Variants in ZNF396 observed in about 807,000 individuals in gnomAD.
ZNF396 encodes zinc finger protein 396.
ZNF396 carries 14 observed loss-of-function variants against 20.5 expected under a neutral mutation model. That is an observed-to-expected ratio of 0.68 (90% CI 0.45 to 1.07). ZNF396 has a LOEUF of 1.07. Among genes scored for constraint, ZNF396 ranks in the 50% least tolerant of loss-of-function variants. The pLI, the probability that ZNF396 is intolerant of heterozygous loss-of-function variation, is 0.00. For synonymous variants in ZNF396, 119 were observed against 140.6 expected, an observed-to-expected ratio of 0.85 and a Z score of 1.08; for missense variants, 347 against 390.1, an observed-to-expected ratio of 0.89 and a Z score of 0.93.
Position 35,369,560 on chromosome 18 carries a change from A to C in ZNF396, c.663T>G (p.Asn221Lys), listed in dbSNP as rs1258696060. ...CTCTATATGTGGAACTCTGGGAGCC[A>C]TTCATATGAAGGATATTGGAAACAT... is the stretch of plus-strand genomic sequence containing the variant. Reference protein sequence around the residue: ...HCNVSNILHMNGSQSSTYRGT... With the variant: ...HCNVSNILHMKGSQSSTYRGT... Residue 221 changes from asparagine (N) to lysine (K), a missense_variant, in exon 4 of 4, where the codon AAT (asparagine) becomes AAG (lysine). By Grantham distance (94) the Asn-to-Lys change is moderately conservative (BLOSUM62 0). Coordinates refer to ENST00000589332, the MANE Select transcript of ZNF396 (RefSeq NM_001322286.2). The C allele has an allele frequency of 6.2e-7, 1 of 1,614,020 alleles. No homozygotes were observed. The highest frequency in any genetic ancestry group is 2.2e-5 in the East Asian group (1 of 44,898).
chr18:35,376,960 C>T (rs1378926940), intron 1 of ZNF396, among the ~76,000 whole-genome samples: 2 of 152,010 alleles, frequency 1.3e-5, no homozygotes, highest in African/African-American at 4.8e-5. Flanking sequence ...CCCGACCTCC[C>T]GCGCCCACCG....
In ZNF396 at chr18:35,369,440, A is replaced by G; in HGVS notation, c.783T>C (p.Ser261=). The change falls in exon 4 of 4, where the codon AGT becomes AGC. Residue 261 remains serine (S), a synonymous_variant. Coordinates refer to ENST00000589332, the MANE Select transcript of ZNF396 (RefSeq NM_001322286.2). ...GATGTAAAATAAGGGCTGAGCTCTGACTAAAGATTTTGCCACATTCATCAC... is the reference window on the plus strand; with the variant it reads ...GATGTAAAATAAGGGCTGAGCTCTGGCTAAAGATTTTGCCACATTCATCAC... ...QKCDECGKIF[S]QSSALILHQR... 1 of 1,614,258 alleles carries G rather than the reference A, an allele frequency of 6.2e-7. No homozygotes were observed. Among genetic ancestry groups the G allele is most frequent in the Non-Finnish European group, 8.5e-7 (1 of 1,180,040 alleles).
chr18:35,370,670 G>T (rs985368224), intron 3 of ZNF396, among the ~76,000 whole-genome samples: 6 of 150,868 alleles, frequency 4.0e-5, no homozygotes, highest in African/African-American at 9.8e-5. Context: ...CCGCCACTAC[G>T]CCCGGCTAAT....
At chr18:35,377,064 G>C (rs1267002110) in intron 1 of ZNF396, among the ~76,000 whole-genome samples, 1 of 152,150 alleles carries the variant, frequency 6.6e-6, no homozygotes, top group Non-Finnish European at 1.5e-5. Flanking sequence ...GGGGTCCGCC[G>C]GGGAAGGACG....
In ZNF396 at chr18:35,369,591, T is replaced by A. The variant is rs9963473; in HGVS notation, c.632A>T (p.His211Leu). The change falls in exon 4 of 4, where the codon CAT becomes CTT. Residue 211 changes from histidine to leucine, a missense_variant. His to Leu is a moderately conservative substitution (Grantham distance 99). Coordinates refer to ENST00000589332, the MANE Select transcript of ZNF396 (RefSeq NM_001322286.2). ...ATGAAGGATATTGGAAACATTGCAA[T>A]GCAGTTCTATGCCTAAAGAAGTCTT... The part of the protein sequence containing the change: ...RQKTSLGIEL[H>L]CNVSNILHMN... The A allele has an allele frequency of 8.0e-3, 12,882 of 1,614,000 alleles. 871 individuals are homozygous for A. In the African/African-American group the frequency reaches 0.15, roughly 19 times the overall value.
rs748987673 is a variant in ZNF396 at position 35,373,983 on chromosome 18, G to A, written c.310C>T (p.Leu104Phe). The A allele has an allele frequency of 1.9e-6, 3 of 1,614,248 alleles. No homozygotes were observed. Among genetic ancestry groups the A allele is most frequent in the South Asian group, 2.2e-5 (2 of 91,090 alleles). Reference sequence around the variant, plus strand: ...ACCCAGGCCTGAAGCTCTTTTGGGAGGATGGCCAGGAACTGCTCCAGCACC... The same window carrying A: ...ACCCAGGCCTGAAGCTCTTTTGGGAAGATGGCCAGGAACTGCTCCAGCACC... The part of the protein sequence containing the change: ...LLVLEQFLAI[L>F]PKELQAWVQK... The change falls in exon 2 of 4, where the codon CTC (leucine) becomes TTC (phenylalanine). Residue 104 changes from leucine to phenylalanine, a missense_variant. Physicochemically the swap from Leu to Phe is conservative, Grantham distance 22 (BLOSUM62 0). Transcript: ENST00000589332.
rs1231566995 is a variant in ZNF396 at position 35,374,779 on chromosome 18, G to C, written c.-72-415C>G. On this transcript the variant is annotated intron_variant, in intron 1 of 3. Transcript: ENST00000589332. This position sits in a 1 kb window ranked among gnomAD's most constrained non-coding sequence, Gnocchi z 4.3. The stretch of plus-strand genomic sequence containing the variant: ...CCTGAGGTGCTGGGATTACAGGCTT[G>C]AGCCACCACGCCAGGCCCAGAAACC... The C allele has an allele frequency of 6.4e-6, 1 of 156,172 alleles. No individual in the cohort carries two copies. Among genetic ancestry groups the C allele is most frequent in the Non-Finnish European group, 1.4e-5 (1 of 70,410 alleles). 9.7% of individuals were successfully genotyped at this position (156,172 alleles called of 1,614,324 possible).
At chr18:35,373,284 A>G in intron 3 of ZNF396, 172 bp downstream of exon 3, 1 of 734,248 alleles carries the variant, frequency 1.4e-6, no homozygotes, top group Non-Finnish European at 1.9e-6. Flanking sequence ...AAAAAGAAGC[A>G]AGAACAAAAT....
chr18:35,373,580 C>A lies in ZNF396; in HGVS notation c.438G>T (p.Lys146Asn). ...GPKQIFFGRR[K>N]DMIAEKLAPS... Reference sequence around the variant, plus strand: ...GTGCTAGCTTCTCTGCAATCATGTCCTTCCTTCGTCCAAAAAAGATCTAAA... The same window carrying A: ...GTGCTAGCTTCTCTGCAATCATGTCATTCCTTCGTCCAAAAAAGATCTAAA... Residue 146 changes from lysine (K) to asparagine (N), a missense_variant, in exon 3 of 4, where the codon AAG becomes AAT. Physicochemically the swap from Lys to Asn is moderately conservative, Grantham distance 94. Transcript: ENST00000589332. 1 of 1,614,080 alleles carries A rather than the reference C, an allele frequency of 6.2e-7. No homozygotes were observed. Among genetic ancestry groups the A allele is most frequent in the Non-Finnish European group, 8.5e-7 (1 of 1,179,984 alleles).
chr18:35,376,130 C>A (rs1373406218), intron 1 of ZNF396: 1 of 152,100 alleles, frequency 6.6e-6, no homozygotes, highest in Non-Finnish European at 1.5e-5. Flanking sequence ...ATCTTACGTG[C>A]GCCTCCGTCT....
At chr18:35,373,221 C>A in intron 3 of ZNF396, 2 of 513,254 alleles carry the variant, frequency 3.9e-6, no homozygotes, top group Non-Finnish European at 6.4e-6. Context: ...GGCATGAAAA[C>A]CCTGATGCAG....
chr18:35,373,397 T>C (rs1235493327), intron 3 of ZNF396, 59 bp downstream of exon 3: 2 of 1,569,536 alleles, frequency 1.3e-6, no homozygotes, highest in South Asian at 1.2e-5. Flanking sequence ...AGCTGAGATG[T>C]GTGTGGTGAG....
intron 2 of ZNF396, 110 bp from the exon 3 acceptor site, chr18:35,373,710 G>A (rs2045217035): frequency 6.6e-7 from 1 of 1,510,196 alleles, no homozygotes; most frequent in Non-Finnish European, 8.9e-7. Flanking sequence ...GAAAAGGGAG[G>A]GAAAAAGTAG....
chr18:35,370,963 A>G (rs560118874), intron 3 of ZNF396, among the ~76,000 whole-genome samples: 7 of 152,292 alleles, frequency 4.6e-5, no homozygotes, highest in Middle Eastern at 3.4e-3. Flanking sequence ...AAGTAATTAT[A>G]TAAATAAGAT....
At chr18:35,375,979 G>A (rs2045251947) in intron 1 of ZNF396, 4 of 152,184 alleles carry the variant, frequency 2.6e-5, no homozygotes, top group Admixed American at 2.6e-4. Context: ...CTGACCTCAG[G>A]TGATCCCTCT....
In ZNF396 at chr18:35,369,384, GCATAAGGTTTCTTTCCA is replaced by G; in HGVS notation, c.822_838del (p.Gly275MetfsTer2). 6.2e-7 allele frequency: 1 copy of G among 1,614,218 alleles called. No homozygotes were observed. Among genetic ancestry groups the G allele is most frequent in the Non-Finnish European group, 8.5e-7 (1 of 1,180,052 alleles). ...GAATGCCTTTGCACACTCGTCACATGCATAAGGTTTCTTTCCACTGTGGATTCTCTGATGTAAAATAA... is the reference window on the plus strand; with the variant it reads ...GAATGCCTTTGCACACTCGTCACATGCTGTGGATTCTCTGATGTAAAATAA... On this transcript the variant is annotated frameshift_variant, in exon 4 of 4. Coordinates refer to ENST00000589332, the MANE Select transcript of ZNF396 (RefSeq NM_001322286.2). LOFTEE classifies it low-confidence loss of function (END_TRUNC).
At position 35,374,167 on chromosome 18, in the gene ZNF396, C is replaced by T. The variant is rs1220282310; in HGVS notation, c.126G>A (p.Trp42Ter). The T allele has an allele frequency of 1.2e-6, 2 of 1,614,114 alleles. No homozygotes were observed. The highest frequency in any genetic ancestry group is 1.3e-5 in the African/African-American group (1 of 74,940). ...QTCDPDSSLH[W>*]SSSYSPETFR... Reference sequence around the variant, plus strand: ...AGGTCTCTGGGCTGTAGCTGCTGCTCCAGTGGAGGCTAGAGTCTGGATCAC... The same window carrying T: ...AGGTCTCTGGGCTGTAGCTGCTGCTTCAGTGGAGGCTAGAGTCTGGATCAC... Residue 42 changes from tryptophan to a stop codon, truncating the protein, a stop_gained, in exon 2 of 4, where the codon TGG becomes TGA. Transcript: ENST00000589332. LOFTEE classifies it high-confidence loss of function. This position sits in a 1 kb window ranked among gnomAD's most constrained non-coding sequence, Gnocchi z 4.3.
chr18:35,376,759 C>T (rs73946574), intron 1 of ZNF396, among the ~76,000 whole-genome samples: 13,659 of 152,224 alleles, frequency 0.09, 2,009 homozygotes, highest in African/African-American at 0.31. Context: ...CAGCACCAGG[C>T]GCAGAATCTG....
rs745720795 is a variant in ZNF396 at position 35,369,370 on chromosome 18, C to A, written c.853G>T (p.Ala285Ser). The A allele has an allele frequency of 6.2e-6, 10 of 1,614,114 alleles. 1 individual carries two copies. Among genetic ancestry groups the A allele is most frequent in the Non-Finnish European group, 8.5e-6 (10 of 1,180,056 alleles). The change falls in exon 4 of 4, where the codon GCA (alanine) becomes TCA (serine). Residue 285 changes from alanine (A) to serine (S), a missense_variant. Transcript: ENST00000589332. ...GKKPYACDECAKAFSRSAILI... is the reference protein window; with the variant it reads ...GKKPYACDECSKAFSRSAILI... ...ATTGCGCTTCGGCTGAATGCCTTTG[C>A]ACACTCGTCACATGCATAAGGTTTC... is the stretch of plus-strand genomic sequence containing the variant.
Sources: gnomAD v4.1 joint callset for allele counts (sites outside exome capture counted in the v4.1 genomes callset) on GRCh38, gnomAD v4.1.1 for gene constraint, Gnocchi (gnomAD v3.1) non-coding constraint, MANE v1.5 for transcripts, NCBI Gene and HGNC (gene_info 2026-07-23, HGNC 2026-07-21) for gene names.